Variants in PALS2 observed in about 807,000 individuals in gnomAD.
The protein encoded by PALS2 is protein associated with LIN7 2, MAGUK p55 family member.
A neutral mutation model predicts 61.6 loss-of-function variants in PALS2; 27 were observed. The ratio of observed to expected loss-of-function variants is 0.44; its 90% CI spans 0.32 to 0.60. The LOEUF is 0.60. PALS2 is among the 20% of genes least tolerant of loss of function. The probability of loss-of-function intolerance (pLI) is 0.05; values close to 1 mark genes in which losing one functional copy is unlikely to be tolerated. For missense variants in PALS2, 554 were observed against 639.4 expected (o/e 0.87, Z 1.44); for synonymous variants, 236 against 218.6 (o/e 1.08, Z -0.70).
At chr7:24,593,706 G>A (rs1026764628) in intron 1 of PALS2, among the ~76,000 whole-genome samples, 16 of 152,036 alleles carry the variant, frequency 1.1e-4, no homozygotes, top group African/African-American at 3.9e-4. Flanking sequence ...CTTTTTTTCT[G>A]AGCAGTATGT....
At position 24,627,084 on chromosome 7, in the gene PALS2, A is replaced by G. The variant is rs182553676; in HGVS notation, c.117+3300A>G. Among the ~76,000 whole-genome samples, 497 of 152,336 alleles carry G rather than the reference A, an allele frequency of 3.3e-3. 2 individuals carry two copies. Among genetic ancestry groups the G allele is most frequent in the African/African-American group, 0.011 (466 of 41,588 alleles). ...GAATATACATTCCTCTCAGCGCCACATAGCACTTATTCTAAAATGGACCAC... is the reference window on the plus strand; with the variant it reads ...GAATATACATTCCTCTCAGCGCCACGTAGCACTTATTCTAAAATGGACCAC... On this transcript the variant is annotated intron_variant, in intron 2 of 11. Coordinates refer to ENST00000222644, the MANE Select transcript of PALS2 (RefSeq NM_001303037.2).
intron 1 of PALS2, among the ~76,000 whole-genome samples, chr7:24,591,904 A>T (rs1268442177): frequency 6.6e-6 from 1 of 152,144 alleles, no homozygotes; most frequent in Admixed American, 6.6e-5. Context: ...GAGCCTTTTC[A>T]TGATAAAGAA....
intron 5 of PALS2, among the ~76,000 whole-genome samples, chr7:24,656,755 C>G (rs1786439256): frequency 6.6e-6 from 1 of 151,950 alleles, no homozygotes; most frequent in Admixed American, 6.6e-5. Context: ...CTGTCTTGAA[C>G]TCCTGTGCTC....
rs1788362046 is a variant in PALS2 at position 24,689,363 on chromosome 7, G to A, written c.*1749G>A. 1 of 152,086 alleles carries A rather than the reference G, an allele frequency of 6.6e-6. No individual in the cohort carries two copies. The highest frequency in any genetic ancestry group is 2.1e-4 in the South Asian group (1 of 4,810). 9.4% of individuals were successfully genotyped at this position (152,086 alleles called of 1,614,324 possible). On this transcript the variant is annotated 3_prime_UTR_variant, in exon 12 of 12. Transcript: ENST00000222644. ...AGGATTAGGTGTTTAAATATTGATG[G>A]TCATCTTTGTCTGGTGTTAGGTGCC...
chr7:24,662,201 A>G (rs1786757910), intron 5 of PALS2, among the ~76,000 whole-genome samples: 1 of 152,192 alleles, frequency 6.6e-6, no homozygotes, highest in African/African-American at 2.4e-5. Context: ...AATAACTAAG[A>G]TTTTATTACA....
chr7:24,641,791 G>A lies in PALS2; in HGVS notation c.193G>A (p.Glu65Lys). The change falls in exon 3 of 12, where the codon GAA becomes AAA. Residue 65 changes from glutamate to lysine, a missense_variant. Glu to Lys is a moderately conservative substitution (Grantham distance 56). Coordinates refer to ENST00000222644, the MANE Select transcript of PALS2 (RefSeq NM_001303037.2). Reference sequence around the variant, plus strand: ...CTTGGAATTAGTCAATGAAATTCTTGAAGACATCACTCCTCTAATAAATGT... The same window carrying A: ...CTTGGAATTAGTCAATGAAATTCTTAAAGACATCACTCCTCTAATAAATGT... ...NNLELVNEIL[E>K]DITPLINVDE... is the part of the protein sequence containing the mutation. The A allele has an allele frequency of 6.2e-7, 1 of 1,612,956 alleles. No homozygotes were observed. The highest frequency in any genetic ancestry group is 2.2e-5 in the East Asian group (1 of 44,782).
intron 1 of PALS2, among the ~76,000 whole-genome samples, chr7:24,588,917 T>G (rs1783176268): frequency 6.6e-6 from 1 of 152,192 alleles, no homozygotes; most frequent in Admixed American, 6.5e-5. Context: ...TTATCCCACC[T>G]CCATTTGATG....
chr7:24,662,783 A>G (rs200231069), intron 5 of PALS2, among the ~76,000 whole-genome samples: 1 of 53,404 alleles, frequency 1.9e-5, no homozygotes, highest in East Asian at 2.7e-3. Context: ...AAAAAAAAAA[A>G]AAAAAAAAAA....
chr7:24,613,994 A>T (rs1784204167), intron 1 of PALS2, among the ~76,000 whole-genome samples: 1 of 151,816 alleles, frequency 6.6e-6, no homozygotes, highest in East Asian at 1.9e-4. Flanking sequence ...CTGTTATTGG[A>T]CACTTTGATT....
At chr7:24,595,476 T>C (rs1423058126) in intron 1 of PALS2, among the ~76,000 whole-genome samples, 1 of 134,822 alleles carries the variant, frequency 7.4e-6, no homozygotes, top group Admixed American at 8.2e-5. Context: ...TATATAAATA[T>C]GTAAATATAT....
chr7:24,645,381 C>T (rs1785780251), intron 3 of PALS2, among the ~76,000 whole-genome samples: 1 of 152,098 alleles, frequency 6.6e-6, no homozygotes, highest in Non-Finnish European at 1.5e-5. Flanking sequence ...GGAGTCTTTT[C>T]CCCGTTGTTT....
At chr7:24,679,633 A>C (rs1295996703) in intron 10 of PALS2, among the ~76,000 whole-genome samples, 2 of 152,324 alleles carry the variant, frequency 1.3e-5, no homozygotes, top group South Asian at 4.1e-4. Flanking sequence ...GTGTTAAGAA[A>C]TGTTAAGTTT....
intron 1 of PALS2, among the ~76,000 whole-genome samples, chr7:24,615,090 CAAATAA>C (rs1204606266): frequency 2.6e-5 from 4 of 151,674 alleles, no homozygotes; most frequent in South Asian, 2.1e-4. Context: ...TTCCTTGAAA[CAAATAA>C]AAATAGAAAC....
intron 5 of PALS2, among the ~76,000 whole-genome samples, chr7:24,653,459 C>T (rs376538563): frequency 1.3e-5 from 2 of 151,976 alleles, no homozygotes; most frequent in African/African-American, 4.8e-5. Flanking sequence ...CCTTTAAAGT[C>T]AGAAACTGGC....
Position 24,654,830 on chromosome 7 carries a change from A to G in PALS2, c.651+4118A>G, listed in dbSNP as rs190428582. ...TATTGTGATGTTGGCATAGGAAGAG[A>G]CAGCATGATCAATGGACTTTTAGAG... On this transcript the variant is annotated intron_variant, in intron 5 of 11. Coordinates refer to ENST00000222644, the MANE Select transcript of PALS2 (RefSeq NM_001303037.2). 7.2e-5 allele frequency among the ~76,000 whole-genome samples: 11 copies of G among 152,284 alleles called. No individual in the cohort carries two copies. In the East Asian group the frequency reaches 2.1e-3, roughly 29 times the overall value.
At chr7:24,663,846 C>T in intron 6 of PALS2, 125 bp downstream of exon 6, 1 of 1,194,792 alleles carries the variant, frequency 8.4e-7, no homozygotes, top group Non-Finnish European at 1.2e-6. Flanking sequence ...ATGAACAGCT[C>T]CTGCTTCGTG....
chr7:24,581,736 A>G (rs1205901589), intron 1 of PALS2, among the ~76,000 whole-genome samples: 1 of 152,210 alleles, frequency 6.6e-6, no homozygotes, highest in Non-Finnish European at 1.5e-5. Flanking sequence ...GTAGTGATGA[A>G]GCCGAGAAAC....
Position 24,662,574 on chromosome 7 carries a change from G to A in PALS2, c.652-1016G>A, listed in dbSNP as rs372009912. On this transcript the variant is annotated intron_variant, in intron 5 of 11. Coordinates refer to ENST00000222644, the MANE Select transcript of PALS2 (RefSeq NM_001303037.2). ...ACTTGAGATCAGGAGTTCGAGACCA[G>A]CCTGGCCAACATGGTGAAACCTGGT... Among the ~76,000 whole-genome samples the A allele has an allele frequency of 7.9e-5, 12 of 152,128 alleles. No individual in the cohort carries two copies. In the South Asian group the frequency reaches 2.1e-3, roughly 26 times the overall value.
intron 9 of PALS2, among the ~76,000 whole-genome samples, chr7:24,675,369 AT>A (rs1266963265): frequency 6.8e-6 from 1 of 148,116 alleles, no homozygotes; most frequent in Non-Finnish European, 1.5e-5. Flanking sequence ...TTATTTTTTT[AT>A]TTTTTTAAGG....
Sources: gnomAD v4.1 joint callset for allele counts (sites outside exome capture counted in the v4.1 genomes callset) on GRCh38, gnomAD v4.1.1 for gene constraint, MANE v1.5 for transcripts, NCBI Gene and HGNC (gene_info 2026-07-23, HGNC 2026-07-21) for gene names.